SLC7A8: variants seen among roughly 807,000 people sequenced by gnomAD.
The protein encoded by SLC7A8 is large neutral amino acids transporter small subunit 2.
SLC7A8 carries 30 observed loss-of-function variants against 51.2 expected under a neutral mutation model. That is an observed-to-expected ratio of 0.59 (90% CI 0.44 to 0.80). The LOEUF (loss-of-function observed/expected upper bound fraction) is 0.80. Among genes scored for constraint, SLC7A8 ranks in the 30% least tolerant of loss-of-function variants. The probability of loss-of-function intolerance (pLI) is 0.00; values close to 1 mark genes in which losing one functional copy is unlikely to be tolerated. For missense variants in SLC7A8, 612 were observed against 674.4 expected, an observed-to-expected ratio of 0.91 and a Z score of 1.03; for synonymous variants, 257 against 275.8, an observed-to-expected ratio of 0.93 and a Z score of 0.67.
chr14:23,145,452 G>T (rs868234970), intron 3 of SLC7A8, among the ~76,000 whole-genome samples: 8 of 150,070 alleles, frequency 5.3e-5, no homozygotes, highest in Non-Finnish European at 7.4e-5. Flanking sequence ...ACTTGTACCC[G>T]GGAGGCGGAG....
chr14:23,132,244 C>T (rs897619184), intron 7 of SLC7A8, among the ~76,000 whole-genome samples: 53 of 152,142 alleles, frequency 3.5e-4, no homozygotes, highest in African/African-American at 1.1e-3. Context: ...CCTCGTGATC[C>T]ACTTGCCTCG....
chr14:23,128,242 G>T lies in SLC7A8; in HGVS notation c.1264-46C>A. The stretch of plus-strand genomic sequence containing the variant: ...GCGTATGAACTGTGTAGGCCACGTG[G>T]CCCCCAGGACTAGGGACTGGGGCAT... On this transcript the variant is annotated intron_variant, in intron 9 of 10. Coordinates refer to ENST00000316902, the MANE Select transcript of SLC7A8 (RefSeq NM_012244.4). The surrounding 1 kb of genome is among the most constrained non-coding windows in gnomAD (Gnocchi z 4.3). 6.2e-7 allele frequency: 1 copy of T among 1,609,078 alleles called. No individual in the cohort carries two copies. The highest frequency in any genetic ancestry group is 8.5e-7 in the Non-Finnish European group (1 of 1,177,812).
At position 23,166,412 on chromosome 14, in the gene SLC7A8, C is replaced by T. The variant is rs139927895; in HGVS notation, c.280G>A (p.Ala94Thr). Reference sequence around the variant, plus strand: ...TTGGGGATGGTGACCCCGAGTTCAGCATAGCAGAGGGCTCCCACAACTGTG... The same window carrying T: ...TTGGGGATGGTGACCCCGAGTTCAGTATAGCAGAGGGCTCCCACAACTGTG... Reference protein sequence around the residue: ...FITVVGALCYAELGVTIPKSG... With the variant: ...FITVVGALCYTELGVTIPKSG... The change falls in exon 2 of 11, where the codon GCT (alanine) becomes ACT (threonine). Residue 94 changes from alanine (A) to threonine (T), a missense_variant. Coordinates refer to ENST00000316902, the MANE Select transcript of SLC7A8 (RefSeq NM_012244.4). The T allele has an allele frequency of 1.4e-3, 2,209 of 1,614,188 alleles. 9 individuals are homozygous for T. The highest frequency in any genetic ancestry group is 6.9e-3 in the South Asian group (625 of 91,084).
Position 23,183,040 on chromosome 14 carries a change from T to C in SLC7A8, c.-126A>G. On this transcript the variant is annotated 5_prime_UTR_variant, in exon 1 of 11. Transcript: ENST00000316902. ...CGAAATAGGAACCACTGCTACTCTC[T>C]AAAAAAGGCAAGCAGATAAAAGAGA... 9.9e-7 allele frequency: 1 copy of C among 1,011,430 alleles called. No individual in the cohort carries two copies. The highest frequency in any genetic ancestry group is 1.4e-6 in the Non-Finnish European group (1 of 726,210). 62.7% of individuals were successfully genotyped at this position (1,011,430 alleles called of 1,614,324 possible). A position where few individuals can be genotyped will look rare whatever the true frequency, so the allele number is the denominator to read the frequency against.
rs763041868 is a variant in SLC7A8 at position 23,129,790 on chromosome 14, T to G, written c.1123A>C (p.Thr375Pro). The change falls in exon 9 of 11, where the codon ACC (threonine) becomes CCC (proline). Residue 375 changes from threonine (T) to proline (P), a missense_variant. Thr to Pro is a conservative substitution (Grantham distance 38). Transcript: ENST00000316902. ...IPALLFTCIS[T>P]LLMLVTSDMY... ...TCGCTGGTGACCAGCATCAGCAGGGTGGAGATGCACTGGGAAAGTGGGAGG... is the reference window on the plus strand; with the variant it reads ...TCGCTGGTGACCAGCATCAGCAGGGGGGAGATGCACTGGGAAAGTGGGAGG... 6.2e-7 allele frequency: 1 copy of G among 1,613,890 alleles called. No individual in the cohort carries two copies. Among genetic ancestry groups the G allele is most frequent in the Non-Finnish European group, 8.5e-7 (1 of 1,179,944 alleles).
chr14:23,160,439 C>T (rs570687627), intron 3 of SLC7A8, among the ~76,000 whole-genome samples: 5 of 152,008 alleles, frequency 3.3e-5, no homozygotes, highest in African/African-American at 4.8e-5. Flanking sequence ...GACGTGGTGG[C>T]GGGCGCCTAT....
intron 1 of SLC7A8, among the ~76,000 whole-genome samples, chr14:23,171,748 A>T (rs1317207119): frequency 6.6e-6 from 1 of 152,192 alleles, no homozygotes; most frequent in Admixed American, 6.5e-5. Context: ...AACAGCGTGA[A>T]AGCAGGTCTG....
intron 1 of SLC7A8, among the ~76,000 whole-genome samples, chr14:23,180,148 C>T (rs182646528): frequency 8.1e-4 from 124 of 152,260 alleles, no homozygotes; most frequent in Non-Finnish European, 1.4e-3. Flanking sequence ...CCTCGTGATC[C>T]GCCCGCCTTG....
intron 1 of SLC7A8, among the ~76,000 whole-genome samples, chr14:23,176,861 G>A (rs1453254110): frequency 1.4e-5 from 2 of 146,598 alleles, no homozygotes; most frequent in Non-Finnish European, 3.0e-5. Flanking sequence ...AGAATCACTT[G>A]AATCTGGGAG....
At chr14:23,153,064 C>T (rs1300766138) in intron 3 of SLC7A8, among the ~76,000 whole-genome samples, 1 of 152,190 alleles carries the variant, frequency 6.6e-6, no homozygotes, top group Non-Finnish European at 1.5e-5. Context: ...TTGTGTCCAG[C>T]CTCATGGGTG....
Position 23,127,006 on chromosome 14 carries a change from A to T in SLC7A8, c.*171T>A. On this transcript the variant is annotated 3_prime_UTR_variant, in exon 11 of 11. Coordinates refer to ENST00000316902, the MANE Select transcript of SLC7A8 (RefSeq NM_012244.4). ...GGGGTGAGAGGCTGGTTCTTTGGGTATGAATGTCAGTTTTTGTTTACAATT... is the reference window on the plus strand; with the variant it reads ...GGGGTGAGAGGCTGGTTCTTTGGGTTTGAATGTCAGTTTTTGTTTACAATT... The T allele has an allele frequency of 1.3e-6, 1 of 764,496 alleles. No individual in the cohort carries two copies. The allele number at this position is 764,496 out of a possible 1,614,324, so 47.4% of individuals were successfully genotyped here. A position where few individuals can be genotyped will look rare whatever the true frequency, so the allele number is the denominator to read the frequency against.
chr14:23,145,565 AC>A (rs2048787286), intron 3 of SLC7A8, among the ~76,000 whole-genome samples: 1 of 150,342 alleles, frequency 6.7e-6, no homozygotes, highest in African/African-American at 2.4e-5. Context: ...TTTTTAAGAC[AC>A]CAAGGGCAAG....
In SLC7A8 at chr14:23,165,427, C is replaced by A; in HGVS notation, c.366G>T (p.Arg122Ser). 6.3e-7 allele frequency: 1 copy of A among 1,585,934 alleles called. No homozygotes were observed. The highest frequency in any genetic ancestry group is 8.6e-7 in the Non-Finnish European group (1 of 1,168,816). ...DIFGGLAGFL[R>S]LWIAVLVIYP... The stretch of plus-strand genomic sequence containing the variant: ...AGATCACCAGCACAGCAATCCACAG[C>A]CTCAGGAACCTGAAGGAGGAAAGGG... Residue 122 changes from arginine to serine, a missense_variant, in exon 3 of 11, where the codon AGG (arginine) becomes AGT (serine). Transcript: ENST00000316902. The surrounding 1 kb of genome is among the most constrained non-coding windows in gnomAD (Gnocchi z 4.2).
intron 1 of SLC7A8, among the ~76,000 whole-genome samples, chr14:23,168,382 G>A (rs1018952817): frequency 5.3e-5 from 8 of 152,168 alleles, no homozygotes; most frequent in Non-Finnish European, 1.0e-4. Context: ...CCAAACTGCT[G>A]TTCTCTGGAC....
Position 23,128,518 on chromosome 14 carries a change from G to A in SLC7A8, c.1264-322C>T, listed in dbSNP as rs931145707. ...ATGCCATGTGCCCGTGGCAGCCAGAGAAGCCCACAGGGATGGAGAAGCTTG... is the reference window on the plus strand; with the variant it reads ...ATGCCATGTGCCCGTGGCAGCCAGAAAAGCCCACAGGGATGGAGAAGCTTG... On this transcript the variant is annotated intron_variant, in intron 9 of 10. Coordinates refer to ENST00000316902, the MANE Select transcript of SLC7A8 (RefSeq NM_012244.4). The surrounding 1 kb of genome is among the most constrained non-coding windows in gnomAD (Gnocchi z 4.3). 6.6e-6 allele frequency among the ~76,000 whole-genome samples: 1 copy of A among 152,246 alleles called. No homozygotes were observed. Among genetic ancestry groups the A allele is most frequent in the African/African-American group, 2.4e-5 (1 of 41,468 alleles).
At chr14:23,144,349 T>A (rs941936602) in intron 3 of SLC7A8, among the ~76,000 whole-genome samples, 7 of 150,564 alleles carry the variant, frequency 4.6e-5, no homozygotes, top group East Asian at 3.9e-4. Context: ...CAATTTTTTT[T>A]TTTTTTTTTT....
intron 1 of SLC7A8, among the ~76,000 whole-genome samples, chr14:23,166,788 A>C (rs1287853922): frequency 1.3e-5 from 2 of 152,230 alleles, no homozygotes; most frequent in African/African-American, 4.8e-5. Context: ...CCTCAGGATG[A>C]CACTATGGAA....
chr14:23,156,961 CGAA>C (rs1198820598), intron 3 of SLC7A8, among the ~76,000 whole-genome samples: 26 of 152,268 alleles, frequency 1.7e-4, no homozygotes, highest in African/African-American at 6.3e-4. Flanking sequence ...CACATTGAAA[CGAA>C]GAAGAAGGCT....
Position 23,164,406 on chromosome 14 carries a change from C to T in SLC7A8, c.508+879G>A, listed in dbSNP as rs76854380. Among the ~76,000 whole-genome samples the T allele has an allele frequency of 6.0e-4, 91 of 152,352 alleles. No homozygotes were observed. In the East Asian group the frequency reaches 0.013, roughly 21 times the overall value. On this transcript the variant is annotated intron_variant, in intron 3 of 10. Transcript: ENST00000316902. ...AGAAATCAGGAGCCCTTGCACTCCA[C>T]GTGGCCTGCCTCCCTGGGCAAGTCA... is the stretch of plus-strand genomic sequence containing the variant.
Sources: allele counts gnomAD v4.1 joint callset (sites outside exome capture counted in the v4.1 genomes callset), GRCh38; gene constraint gnomAD v4.1.1; non-coding constraint Gnocchi (gnomAD v3.1); transcripts MANE v1.5; gene names NCBI Gene and HGNC (gene_info 2026-07-23, HGNC 2026-07-21).